FANK1: variants seen among roughly 807,000 people sequenced by gnomAD.
FANK1 encodes the protein fibronectin type 3 and ankyrin repeat domains protein 1.
A neutral mutation model predicts 45.3 loss-of-function variants in FANK1; 44 were observed. The ratio of observed to expected loss-of-function variants is 0.97; its 90% CI spans 0.76 to 1.25. The LOEUF is 1.25. FANK1 is among the 50% of genes most tolerant of loss of function. The pLI, the probability that FANK1 is intolerant of heterozygous loss-of-function variation, is 0.00. For synonymous variants in FANK1, 149 were observed against 152.5 expected (o/e 0.98, Z 0.17); for missense variants, 391 against 424.4 (o/e 0.92, Z 0.69).
At chr10:125,992,397 C>T (rs1348523967) in intron 3 of FANK1, among the ~76,000 whole-genome samples, 4 of 152,122 alleles carry the variant, frequency 2.6e-5, no homozygotes, top group East Asian at 3.9e-4. Context: ...AGCGTGAGGA[C>T]GATTAAGGAG....
chr10:125,914,280 C>T (rs1589825506), intron 1 of FANK1, among the ~76,000 whole-genome samples: 2 of 140,296 alleles, frequency 1.4e-5, no homozygotes, highest in African/African-American at 5.8e-5. Context: ...CTTTGTATGC[C>T]ATATATATAT....
intron 6 of FANK1, among the ~76,000 whole-genome samples, chr10:126,003,050 T>G (rs541352257): frequency 6.6e-6 from 1 of 152,142 alleles, no homozygotes; most frequent in East Asian, 1.9e-4. Context: ...GTTCCCACAT[T>G]TCATCTGGCC....
chr10:125,987,523 G>A (rs1048582480), intron 2 of FANK1, among the ~76,000 whole-genome samples: 7 of 117,298 alleles, frequency 6.0e-5, no homozygotes, highest in Non-Finnish European at 1.0e-4. Context: ...GAAAGAGCTG[G>A]AAATGACACA....
At chr10:125,899,736 T>C (rs1944881433) in intron 1 of FANK1, among the ~76,000 whole-genome samples, 1 of 152,232 alleles carries the variant, frequency 6.6e-6, no homozygotes, top group South Asian at 2.1e-4. Context: ...ATTACAGTTA[T>C]ACTGTCAGCA....
intron 1 of FANK1, among the ~76,000 whole-genome samples, chr10:125,954,865 G>A (rs1053735127): frequency 1.3e-5 from 2 of 152,152 alleles, no homozygotes; most frequent in Non-Finnish European, 2.9e-5. Flanking sequence ...AGGTTGCAGC[G>A]AGCCAAGATT....
intron 1 of FANK1, among the ~76,000 whole-genome samples, chr10:125,960,621 G>C (rs1949863829): frequency 1.3e-5 from 2 of 152,204 alleles, no homozygotes; most frequent in Admixed American, 1.3e-4. Context: ...CCACCTCCCG[G>C]GTTCATGTCA....
intron 1 of FANK1, among the ~76,000 whole-genome samples, chr10:125,932,232 G>A (rs1947799555): frequency 6.6e-6 from 1 of 152,088 alleles, no homozygotes; most frequent in Non-Finnish European, 1.5e-5. Flanking sequence ...TTCTAATTCT[G>A]TGAAGAATAA....
intron 1 of FANK1, among the ~76,000 whole-genome samples, chr10:125,938,610 A>G (rs1322726243): frequency 6.6e-6 from 1 of 152,152 alleles, no homozygotes; most frequent in East Asian, 1.9e-4. Context: ...GGAGTTCGAG[A>G]CCAGCCTGGC....
intron 6 of FANK1, 115 bp from the exon 7 acceptor site, chr10:126,004,769 C>G: frequency 2.0e-6 from 2 of 1,022,142 alleles, no homozygotes; most frequent in Non-Finnish European, 3.0e-6. Context: ...GAACAGTTCC[C>G]ATGGCTTTTC....
chr10:125,908,603 G>A (rs1589798437), intron 1 of FANK1, among the ~76,000 whole-genome samples: 1 of 152,098 alleles, frequency 6.6e-6, no homozygotes, highest in Admixed American at 6.5e-5. Flanking sequence ...CCAGGGGAAA[G>A]GGTGGGAGGG....
intron 1 of FANK1, among the ~76,000 whole-genome samples, chr10:125,902,454 G>A (rs2134101935): frequency 6.6e-6 from 1 of 152,234 alleles, no homozygotes; most frequent in Non-Finnish European, 1.5e-5. Context: ...TAAGAGTGTT[G>A]TGGTGTACTT....
intron 2 of FANK1, among the ~76,000 whole-genome samples, chr10:125,987,000 A>G (rs1951604075): frequency 1.3e-5 from 2 of 152,196 alleles, no homozygotes; most frequent in South Asian, 4.1e-4. Context: ...TTTGATGATT[A>G]GGTGAGGTGT....
chr10:125,993,031 G>T (rs1952052471), intron 3 of FANK1, among the ~76,000 whole-genome samples: 1 of 152,144 alleles, frequency 6.6e-6, no homozygotes, highest in Non-Finnish European at 1.5e-5. Context: ...CTCTGATGCT[G>T]CCCTCTCCTA....
intron 1 of FANK1, among the ~76,000 whole-genome samples, chr10:125,934,740 T>G (rs1456544194): frequency 3.8e-5 from 5 of 132,576 alleles, no homozygotes; most frequent in South Asian, 2.7e-4. Flanking sequence ...TTTTTTTTTT[T>G]TTTTTTTTTT....
intron 1 of FANK1, among the ~76,000 whole-genome samples, chr10:125,909,942 A>G (rs1207734303): frequency 1.3e-5 from 2 of 152,056 alleles, no homozygotes; most frequent in Non-Finnish European, 2.9e-5. Context: ...GTAAAATTGT[A>G]TTGAAGTATA....
At chr10:125,966,633 C>T (rs562633274) in intron 1 of FANK1, among the ~76,000 whole-genome samples, 3 of 152,158 alleles carry the variant, frequency 2.0e-5, no homozygotes, top group Non-Finnish European at 4.4e-5. Flanking sequence ...ATCTGCTTGA[C>T]ACCAAAATGG....
chr10:126,007,467 A>G (rs918616237), intron 7 of FANK1, among the ~76,000 whole-genome samples: 2 of 152,230 alleles, frequency 1.3e-5, no homozygotes, highest in Non-Finnish European at 2.9e-5. Context: ...AGTTCTTTGC[A>G]TGAAGAAGAG....
At chr10:126,008,687 C>CT (rs1953425400) in intron 8 of FANK1, 137 bp downstream of exon 8, 1 of 1,030,878 alleles carries the variant, frequency 9.7e-7, no homozygotes. Flanking sequence ...TCCCTGTCGG[C>CT]TTGTTCATAA....
chr10:126,002,454 C>A (rs1041054677), intron 6 of FANK1, among the ~76,000 whole-genome samples: 2 of 152,214 alleles, frequency 1.3e-5, no homozygotes, highest in African/African-American at 4.8e-5. Flanking sequence ...CTAAACCCAG[C>A]AGGCAGGTGC....
Sources: gnomAD v4.1 joint callset for allele counts (sites outside exome capture counted in the v4.1 genomes callset) on GRCh38, gnomAD v4.1.1 for gene constraint, MANE v1.5 for transcripts, NCBI Gene and HGNC (gene_info 2026-07-23, HGNC 2026-07-21) for gene names.